The following ERBB4 variants were observed in gnomAD, a reference collection of about 807,000 sequenced individuals.
The protein encoded by ERBB4 is erb-b2 receptor tyrosine kinase 4, also known as receptor tyrosine-protein kinase erbB-4.
ERBB4 carries 42 observed loss-of-function variants against 158.0 expected under a neutral mutation model. The ratio of observed to expected loss-of-function variants is 0.27; its 90% CI spans 0.21 to 0.34. The LOEUF (loss-of-function observed/expected upper bound fraction) is 0.34. Among genes scored for constraint, ERBB4 ranks in the 10% least tolerant of loss-of-function variants. The pLI is 1.00. For missense variants in ERBB4, 1,333 were observed against 1,624.1 expected (o/e 0.82, Z 3.08); for synonymous variants, 583 against 558.7 (o/e 1.04, Z -0.61).
chr2:211,855,644 T>C (rs2077838215), intron 3 of ERBB4, among the ~76,000 whole-genome samples: 1 of 152,158 alleles, frequency 6.6e-6, no homozygotes, highest in Admixed American at 6.5e-5. Flanking sequence ...GAGAATTATA[T>C]TACTTTGTCT....
chr2:212,509,354 C>T (rs1691375741), intron 1 of ERBB4, among the ~76,000 whole-genome samples: 1 of 151,944 alleles, frequency 6.6e-6, no homozygotes, highest in South Asian at 2.1e-4. Flanking sequence ...CATAAGATTG[C>T]TTTCGTACAT....
intron 20 of ERBB4, chr2:211,535,660 G>C (rs1184763364): frequency 1.3e-5 from 2 of 152,080 alleles, no homozygotes; most frequent in Non-Finnish European, 2.9e-5. Flanking sequence ...CTGGTCTATG[G>C]CCATACCACC....
chr2:211,935,070 T>C (rs1575401296), intron 3 of ERBB4, among the ~76,000 whole-genome samples: 1 of 152,180 alleles, frequency 6.6e-6, no homozygotes, highest in Non-Finnish European at 1.5e-5. Flanking sequence ...CCCTATAGCA[T>C]TGTGATAAAA....
Position 211,851,907 on chromosome 2 carries a change from T to C in ERBB4, c.422-63748A>G, listed in dbSNP as rs528017847. The stretch of plus-strand genomic sequence containing the variant: ...TACTTTATTAAACAGTCTGAATATC[T>C]ACCTTGATGAGTGCTTTTATTAAGC... On this transcript the variant is annotated intron_variant, in intron 3 of 27. Transcript: ENST00000342788. 7.2e-5 allele frequency among the ~76,000 whole-genome samples: 11 copies of C among 152,082 alleles called. No individual in the cohort carries two copies. In the South Asian group the frequency reaches 1.7e-3, roughly 23 times the overall value.
chr2:211,528,552 T>C (rs2066412511), intron 20 of ERBB4, among the ~76,000 whole-genome samples: 1 of 152,084 alleles, frequency 6.6e-6, no homozygotes, highest in South Asian at 2.1e-4. Flanking sequence ...GGTTGCAGAA[T>C]ACAAATTCCT....
At chr2:211,971,896 A>G (rs1329109249) in intron 2 of ERBB4, among the ~76,000 whole-genome samples, 1 of 152,184 alleles carries the variant, frequency 6.6e-6, no homozygotes, top group Non-Finnish European at 1.5e-5. Context: ...CTCCTATTTA[A>G]TACAATATCG....
At chr2:211,939,051 T>C (rs2080410553) in intron 3 of ERBB4, among the ~76,000 whole-genome samples, 1 of 152,208 alleles carries the variant, frequency 6.6e-6, no homozygotes, top group South Asian at 2.1e-4. Flanking sequence ...ATTGCACGTT[T>C]GCTTGTATTT....
intron 3 of ERBB4, among the ~76,000 whole-genome samples, chr2:211,895,844 T>C (rs2079084477): frequency 6.6e-6 from 1 of 152,192 alleles, no homozygotes; most frequent in South Asian, 2.1e-4. Flanking sequence ...CAAATGACAT[T>C]GACATTGCTG....
rs910580728 is a variant in ERBB4, at chr2:211,380,947, G to GA, written c.*2667dup. 1.6e-3 allele frequency: 355 copies of GA among 219,684 alleles called. No individual in the cohort carries two copies. Among genetic ancestry groups the GA allele is most frequent in the Middle Eastern group, 5.3e-3 (4 of 760 alleles). 13.6% of individuals were successfully genotyped at this position (219,684 alleles called of 1,614,324 possible). ...GAAACCATATGCATATTGTAAATCA[G>GA]AAAAAAAAAATCAAGGTATAGTATC... On this transcript the variant is annotated 3_prime_UTR_variant, in exon 28 of 28. Coordinates refer to ENST00000342788, the MANE Select transcript of ERBB4 (RefSeq NM_005235.3).
At chr2:212,037,980 T>A (rs1458671668) in intron 2 of ERBB4, among the ~76,000 whole-genome samples, 2 of 152,176 alleles carry the variant, frequency 1.3e-5, no homozygotes, top group Non-Finnish European at 2.9e-5. Flanking sequence ...TTTCTTTGTA[T>A]TTATTTCACA....
chr2:212,355,425 T>C (rs1392743883), intron 1 of ERBB4, among the ~76,000 whole-genome samples: 1 of 152,032 alleles, frequency 6.6e-6, no homozygotes, highest in African/African-American at 2.4e-5. Flanking sequence ...AAAAGGGTCT[T>C]GATCTACAAA....
rs371480274 is a variant in ERBB4 at position 212,467,483 on chromosome 2, C to T, written c.82+70966G>A. Reference sequence around the variant, plus strand: ...ATGTGGCTGAAGGGCCAACATAGAGCTCAGGCTGTGACTTCAGAGGGTGCA... The same window carrying T: ...ATGTGGCTGAAGGGCCAACATAGAGTTCAGGCTGTGACTTCAGAGGGTGCA... On this transcript the variant is annotated intron_variant, in intron 1 of 27. Transcript: ENST00000342788. 1.4e-4 allele frequency among the ~76,000 whole-genome samples: 22 copies of T among 152,332 alleles called. No individual in the cohort carries two copies. In the East Asian group the frequency reaches 3.1e-3, roughly 21 times the overall value.
intron 12 of ERBB4, among the ~76,000 whole-genome samples, chr2:211,689,642 T>C (rs1199933884): frequency 2.0e-5 from 3 of 152,200 alleles, no homozygotes; most frequent in Non-Finnish European, 4.4e-5. Flanking sequence ...TCGAATTCTA[T>C]ATAATAGACA....
chr2:212,387,568 C>T (rs2106428655), intron 1 of ERBB4, among the ~76,000 whole-genome samples: 1 of 152,092 alleles, frequency 6.6e-6, no homozygotes, highest in South Asian at 2.1e-4. Context: ...CGGGCACACA[C>T]CACCACGCCC....
At chr2:211,802,808 A>C (rs957517368) in intron 3 of ERBB4, among the ~76,000 whole-genome samples, 2 of 152,212 alleles carry the variant, frequency 1.3e-5, no homozygotes, top group African/African-American at 4.8e-5. Context: ...TAAGTGGAGA[A>C]GACGCTCCCT....
intron 3 of ERBB4, among the ~76,000 whole-genome samples, chr2:211,854,184 T>G (rs553211305): frequency 1.3e-5 from 2 of 152,222 alleles, no homozygotes; most frequent in Admixed American, 1.3e-4. Context: ...AATATAGAGA[T>G]GATTATTAGG....
chr2:212,119,517 C>G (rs942715216), intron 2 of ERBB4, among the ~76,000 whole-genome samples: 1 of 152,032 alleles, frequency 6.6e-6, no homozygotes, highest in African/African-American at 2.4e-5. Context: ...TACATTTTGC[C>G]TTGTTTTAAA....
rs201982757 is a variant in ERBB4, at chr2:211,550,979, C to T, written c.2487+10924G>A. Among the ~76,000 whole-genome samples the T allele has an allele frequency of 5.0e-4, 76 of 151,312 alleles. No homozygotes were observed. The East Asian group carries it at 8.6e-3, about 17-fold the overall frequency. On this transcript the variant is annotated intron_variant, in intron 20 of 27. Transcript: ENST00000342788. Reference sequence around the variant, plus strand: ...GTTGGGGGACAGGGTCTCGCTCTGTCGCCCAGGCTGGAGTGCAGTGGTGCA... The same window carrying T: ...GTTGGGGGACAGGGTCTCGCTCTGTTGCCCAGGCTGGAGTGCAGTGGTGCA...
At chr2:212,218,160 A>G (rs1228932349) in intron 1 of ERBB4, among the ~76,000 whole-genome samples, 1 of 151,346 alleles carries the variant, frequency 6.6e-6, no homozygotes, top group Non-Finnish European at 1.5e-5. Flanking sequence ...ATATTGGCAT[A>G]AAACCTTTTT....
Sources: gnomAD v4.1 joint callset for allele counts (sites outside exome capture counted in the v4.1 genomes callset) on GRCh38, gnomAD v4.1.1 for gene constraint, MANE v1.5 for transcripts, NCBI Gene and HGNC (gene_info 2026-07-23, HGNC 2026-07-21) for gene names.